LRRC7: variants seen among roughly 807,000 people sequenced by gnomAD.
LRRC7 encodes leucine-rich repeat-containing protein 7.
In LRRC7, 23 loss-of-function variants were observed where a neutral mutation model predicts 175.7. The ratio of observed to expected loss-of-function variants is 0.13; its 90% CI spans 0.09 to 0.19. LRRC7 has a LOEUF of 0.19. Among genes scored for constraint, LRRC7 ranks in the 10% least tolerant of loss-of-function variants. The probability of loss-of-function intolerance (pLI) is 1.00; values close to 1 mark genes in which losing one functional copy is unlikely to be tolerated. For missense variants in LRRC7, 1,354 were observed against 1,904.7 expected (o/e 0.71, Z 5.38); for synonymous variants, 685 against 680.9 (o/e 1.01, Z -0.09).
chr1:69,986,278 A>G lies in LRRC7; in HGVS notation c.823A>G (p.Met275Val), dbSNP rs780933399. ...GTTAAAGATGTTGGTATACCTGGATATGTCAAAAAACAGAATAGAAACAGT... is the reference window on the plus strand; with the variant it reads ...GTTAAAGATGTTGGTATACCTGGATGTGTCAAAAAACAGAATAGAAACAGT... ...GKLKMLVYLD[M>V]SKNRIETVDM... The change falls in exon 10 of 27, where the codon ATG (methionine) becomes GTG (valine). Residue 275 changes from methionine (M) to valine (V), a missense_variant. Coordinates refer to ENST00000651989, the MANE Select transcript of LRRC7 (RefSeq NM_001370785.2). 6.2e-7 allele frequency: 1 copy of G among 1,613,492 alleles called. No homozygotes were observed. The highest frequency in any genetic ancestry group is 1.1e-5 in the South Asian group (1 of 91,056).
chr1:70,003,833 C>T (rs1469009415), intron 11 of LRRC7, among the ~76,000 whole-genome samples: 1 of 151,224 alleles, frequency 6.6e-6, no homozygotes, highest in East Asian at 1.9e-4. Context: ...CAACTTGGAA[C>T]ATATAGTATC....
rs529634254 is a variant in LRRC7 at position 69,795,437 on chromosome 1, A to AT, written c.421+3278dup. 3.0e-4 allele frequency among the ~76,000 whole-genome samples: 46 copies of AT among 152,264 alleles called. 1 individual carries two copies. The East Asian group carries it at 7.7e-3, about 26-fold the overall frequency. On this transcript the variant is annotated intron_variant, in intron 4 of 26. Coordinates refer to ENST00000651989, the MANE Select transcript of LRRC7 (RefSeq NM_001370785.2). Reference sequence around the variant, plus strand: ...AAAACTAGACAGTTACTTAAGGAACATAATACATCCTTTGGGAATCTGTCA... The same window carrying AT: ...AAAACTAGACAGTTACTTAAGGAACATTAATACATCCTTTGGGAATCTGTCA...
rs142931662 is a variant in LRRC7, at chr1:69,667,630, C to T, written c.3-10751C>T. ...GATTTAAGTATAGGTACTCCTGCTC[C>T]GTTTTGGTTTCCATTGGCATGGAAT... On this transcript the variant is annotated intron_variant, in intron 1 of 26. Transcript: ENST00000651989. Among the ~76,000 whole-genome samples, 182 of 152,184 alleles carry T rather than the reference C, an allele frequency of 1.2e-3. 1 individual carries two copies. Among genetic ancestry groups the T allele is most frequent in the Non-Finnish European group, 2.0e-3 (138 of 67,986 alleles).
chr1:69,716,566 G>T (rs1570474695), intron 2 of LRRC7, among the ~76,000 whole-genome samples: 1 of 151,852 alleles, frequency 6.6e-6, no homozygotes, highest in South Asian at 2.1e-4. Context: ...TATCCACTAT[G>T]TAAATGCATT....
intron 26 of LRRC7, among the ~76,000 whole-genome samples, chr1:70,116,583 A>G (rs1215910550): frequency 2.0e-5 from 3 of 150,294 alleles, no homozygotes; most frequent in Non-Finnish European, 4.4e-5. Flanking sequence ...ATTCTTATTT[A>G]TGTTTTGTTC....
intron 2 of LRRC7, among the ~76,000 whole-genome samples, chr1:69,743,512 A>G (rs1668937372): frequency 6.6e-6 from 1 of 152,142 alleles, no homozygotes; most frequent in Non-Finnish European, 1.5e-5. Context: ...AAGCAATTTA[A>G]CATGTCAAAG....
rs935430220 is a variant in LRRC7, at chr1:69,589,207, C to A, written c.2+20566C>A. 4.7e-5 allele frequency among the ~76,000 whole-genome samples: 7 copies of A among 148,272 alleles called. No homozygotes were observed. The Admixed American group carries it at 4.8e-4, about 10-fold the overall frequency. On this transcript the variant is annotated intron_variant, in intron 1 of 26. Transcript: ENST00000651989. Reference sequence around the variant, plus strand: ...CATGCTGTGGGAGGGGTACTTATTCCCTGTGCCATCCTCTTCCTCTGCTGT... The same window carrying A: ...CATGCTGTGGGAGGGGTACTTATTCACTGTGCCATCCTCTTCCTCTGCTGT...
At chr1:69,819,621 G>T (rs1039752020) in intron 4 of LRRC7, among the ~76,000 whole-genome samples, 42 of 144,310 alleles carry the variant, frequency 2.9e-4, no homozygotes, top group African/African-American at 1.0e-3. Context: ...GTGTGTATCT[G>T]CATAATCTAC....
chr1:69,880,108 T>A (rs981026478), intron 7 of LRRC7, among the ~76,000 whole-genome samples: 2 of 152,138 alleles, frequency 1.3e-5, no homozygotes, highest in Non-Finnish European at 2.9e-5. Flanking sequence ...TTGCATACGC[T>A]GGGTAGGGGA....
intron 2 of LRRC7, among the ~76,000 whole-genome samples, chr1:69,701,658 G>A (rs1325967795): frequency 6.6e-6 from 1 of 152,148 alleles, no homozygotes; most frequent in Non-Finnish European, 1.5e-5. Flanking sequence ...TGTTTCACAT[G>A]AGGCTGTTTT....
chr1:69,614,030 TCA>T (rs1649221878), intron 1 of LRRC7, among the ~76,000 whole-genome samples: 1 of 150,070 alleles, frequency 6.7e-6, no homozygotes, highest in Non-Finnish European at 1.5e-5. Flanking sequence ...TCATAAAGTT[TCA>T]GACATTTGAA....
chr1:69,854,201 A>T (rs544898065), intron 7 of LRRC7, among the ~76,000 whole-genome samples: 8 of 152,286 alleles, frequency 5.3e-5, no homozygotes, highest in African/African-American at 1.7e-4. Flanking sequence ...AACAAATAAG[A>T]TGAAACAGGA....
intron 8 of LRRC7, among the ~76,000 whole-genome samples, chr1:69,973,426 C>T (rs1652474658): frequency 6.6e-6 from 1 of 151,576 alleles, no homozygotes; most frequent in Admixed American, 6.6e-5. Context: ...TCCCCAATAA[C>T]CTATGGAAAT....
chr1:70,102,455 G>T (rs1274397248), intron 25 of LRRC7, among the ~76,000 whole-genome samples: 1 of 152,212 alleles, frequency 6.6e-6, no homozygotes, highest in African/African-American at 2.4e-5. Flanking sequence ...ATGTGGTATA[G>T]TTGGAGACTC....
intron 2 of LRRC7, among the ~76,000 whole-genome samples, chr1:69,753,085 T>G (rs1322445627): frequency 6.6e-6 from 1 of 152,098 alleles, no homozygotes; most frequent in Non-Finnish European, 1.5e-5. Flanking sequence ...TGTACTTCCA[T>G]ATATTATATG....
intron 1 of LRRC7, among the ~76,000 whole-genome samples, chr1:69,640,875 A>G (rs973907631): frequency 1.3e-5 from 2 of 151,602 alleles, no homozygotes; most frequent in Non-Finnish European, 3.0e-5. Context: ...CATAAGTCAT[A>G]ATATCTACAA....
At chr1:69,657,000 A>G (rs1656693931) in intron 1 of LRRC7, among the ~76,000 whole-genome samples, 2 of 151,948 alleles carry the variant, frequency 1.3e-5, no homozygotes. Context: ...AAGGAAAACT[A>G]AAGGAAAGGA....
intron 8 of LRRC7, among the ~76,000 whole-genome samples, chr1:69,963,063 G>A (rs936872272): frequency 6.6e-6 from 1 of 151,934 alleles, no homozygotes; most frequent in African/African-American, 2.4e-5. Flanking sequence ...CCAGCACTTC[G>A]GGAGGCTGAA....
At chr1:69,603,559 G>A (rs1255449760) in intron 1 of LRRC7, among the ~76,000 whole-genome samples, 1 of 152,040 alleles carries the variant, frequency 6.6e-6, no homozygotes, top group Non-Finnish European at 1.5e-5. Context: ...GTAGCATTCT[G>A]CTAGATCTTT....
Sources: gnomAD v4.1 joint callset for allele counts (sites outside exome capture counted in the v4.1 genomes callset) on GRCh38, gnomAD v4.1.1 for gene constraint, MANE v1.5 for transcripts, NCBI Gene and HGNC (gene_info 2026-07-23, HGNC 2026-07-21) for gene names.